Variants in RBFOX1 observed in about 807,000 individuals in gnomAD.
RBFOX1 encodes RNA binding protein fox-1 homolog 1.
Under a neutral mutation model 57.7 loss-of-function variants are expected in RBFOX1, and 8 were observed. The ratio of observed to expected loss-of-function variants is 0.14; its 90% confidence interval spans 0.08 to 0.25. The LOEUF is 0.25. Among genes scored for constraint, RBFOX1 ranks in the 10% least tolerant of loss-of-function variants. RBFOX1 has a pLI of 1.00. For missense variants in RBFOX1, 611 were observed against 548.5 expected (o/e 1.11, Z -1.14); for synonymous variants, 326 against 222.4 (o/e 1.47, Z -4.15).
At position 5,976,360 on chromosome 16, in the gene RBFOX1, A is replaced by T. The variant is rs552585608; in HGVS notation, c.351+109025A>T. On this transcript the variant is annotated intron_variant, in intron 4 of 19. Coordinates refer to the RBFOX1 transcript ENST00000641259. ...CCTTTATGGCAGGACTTAGTCTCTAAAATGTTACATAATGTGTTTTGTAGA... is the reference window on the plus strand; with the variant it reads ...CCTTTATGGCAGGACTTAGTCTCTATAATGTTACATAATGTGTTTTGTAGA... 1.6e-3 allele frequency among the ~76,000 whole-genome samples: 239 copies of T among 152,260 alleles called. 2 individuals carry two copies. Among genetic ancestry groups the T allele is most frequent in the African/African-American group, 5.6e-3 (233 of 41,560 alleles).
intron 2 of RBFOX1, among the ~76,000 whole-genome samples, chr16:5,504,068 G>A (rs992463809): frequency 5.9e-5 from 9 of 152,212 alleles, no homozygotes; most frequent in Non-Finnish European, 8.8e-5. Context: ...GGCATCTGGA[G>A]CAGCATCTCC....
rs532131138 is a variant in RBFOX1, at chr16:5,926,686, C to G, written c.351+59351C>G. 3.9e-5 allele frequency among the ~76,000 whole-genome samples: 6 copies of G among 152,290 alleles called. No individual in the cohort carries two copies. The East Asian group carries it at 1.2e-3, about 29-fold the overall frequency. ...TACAAATTGGATTCTTAGCTGAAGACTTGGGGTCTGCAAACATTTTTACCC... is the reference window on the plus strand; with the variant it reads ...TACAAATTGGATTCTTAGCTGAAGAGTTGGGGTCTGCAAACATTTTTACCC... On this transcript the variant is annotated intron_variant, in intron 4 of 19. Coordinates refer to the RBFOX1 transcript ENST00000641259.
At chr16:6,103,061 A>C (rs2096333806) in intron 1 of RBFOX1, among the ~76,000 whole-genome samples, 1 of 152,216 alleles carries the variant, frequency 6.6e-6, no homozygotes, top group Non-Finnish European at 1.5e-5. Context: ...TTTAAAATAT[A>C]GATCGAAGTT....
chr16:7,451,192 A>G (rs981398308), intron 4 of RBFOX1, among the ~76,000 whole-genome samples: 2 of 152,088 alleles, frequency 1.3e-5, no homozygotes, highest in Non-Finnish European at 2.9e-5. Context: ...GGGACATCGG[A>G]TTTCTATGGA....
intron 3 of RBFOX1, among the ~76,000 whole-genome samples, chr16:6,821,111 T>A (rs1197723594): frequency 6.6e-6 from 1 of 152,198 alleles, no homozygotes; most frequent in Non-Finnish European, 1.5e-5. Flanking sequence ...ACTACACCAT[T>A]AAAAAACAAT....
intron 4 of RBFOX1, among the ~76,000 whole-genome samples, chr16:7,362,309 C>A (rs111163862): frequency 1.4e-4 from 13 of 93,342 alleles, no homozygotes; most frequent in Non-Finnish European, 2.3e-5. Context: ...CGTGTGTTTG[C>A]GTGTGTGTGT....
intron 3 of RBFOX1, among the ~76,000 whole-genome samples, chr16:6,992,616 A>C: frequency 6.6e-6 from 1 of 152,086 alleles, no homozygotes; most frequent in Middle Eastern, 3.2e-3. Context: ...AAAGGACTTA[A>C]AAACTAGGTA....
intron 4 of RBFOX1, among the ~76,000 whole-genome samples, chr16:7,292,173 A>T (rs1409615390): frequency 7.9e-5 from 10 of 126,352 alleles, no homozygotes; most frequent in East Asian, 4.3e-4. Flanking sequence ...ATTATATATC[A>T]TATATCATAT....
intron 3 of RBFOX1, among the ~76,000 whole-genome samples, chr16:6,923,274 C>T (rs1000777826): frequency 1.3e-5 from 2 of 152,164 alleles, no homozygotes; most frequent in African/African-American, 4.8e-5. Flanking sequence ...TGGCTCATGC[C>T]TATAATCCCA....
intron 12 of RBFOX1, among the ~76,000 whole-genome samples, chr16:7,661,616 C>G (rs2067754605): frequency 6.6e-6 from 1 of 152,204 alleles, no homozygotes; most frequent in Non-Finnish European, 1.5e-5. Flanking sequence ...CAGTTTTATG[C>G]ATAATTTGTG....
intron 2 of RBFOX1, among the ~76,000 whole-genome samples, chr16:6,578,304 C>G (rs1337234819): frequency 6.6e-6 from 1 of 152,096 alleles, no homozygotes; most frequent in African/African-American, 2.4e-5. Flanking sequence ...CATCATGTAA[C>G]AGGCTGAGAA....
chr16:7,468,755 G>A (rs375585381), intron 4 of RBFOX1, among the ~76,000 whole-genome samples: 1 of 152,070 alleles, frequency 6.6e-6, no homozygotes, highest in East Asian at 1.9e-4. Context: ...GGATTTAGGA[G>A]ATTGTCTGGC....
At chr16:7,549,952 C>G (rs1601587395) in intron 5 of RBFOX1, among the ~76,000 whole-genome samples, 1 of 152,024 alleles carries the variant, frequency 6.6e-6, no homozygotes, top group African/African-American at 2.4e-5. Context: ...TTTTTAGAGA[C>G]AGGGTTTTAC....
intron 4 of RBFOX1, among the ~76,000 whole-genome samples, chr16:7,403,025 G>A (rs1191563156): frequency 6.6e-6 from 1 of 152,218 alleles, no homozygotes; most frequent in East Asian, 1.9e-4. Flanking sequence ...TCACGATGCA[G>A]TTGTGGAATA....
chr16:6,448,461 AT>A (rs35590630), intron 2 of RBFOX1, among the ~76,000 whole-genome samples: 1 of 152,064 alleles, frequency 6.6e-6, no homozygotes, highest in Non-Finnish European at 1.5e-5. Flanking sequence ...CCAACCAGGC[AT>A]TTTTCAACCA....
chr16:6,112,452 A>C (rs2096456724), intron 1 of RBFOX1, among the ~76,000 whole-genome samples: 1 of 152,188 alleles, frequency 6.6e-6, no homozygotes, highest in East Asian at 1.9e-4. Flanking sequence ...GCACTTTGGG[A>C]GGCCAAGATG....
intron 4 of RBFOX1, among the ~76,000 whole-genome samples, chr16:7,446,485 G>A (rs1432714565): frequency 6.6e-6 from 1 of 152,172 alleles, no homozygotes; most frequent in Non-Finnish European, 1.5e-5. Flanking sequence ...CTGCCGCTGA[G>A]CTATGTTTTA....
intron 3 of RBFOX1, among the ~76,000 whole-genome samples, chr16:6,690,949 T>C (rs1382530908): frequency 2.6e-5 from 4 of 152,082 alleles, no homozygotes; most frequent in Non-Finnish European, 5.9e-5. Context: ...TGTGATGAGG[T>C]TGGCTGGGCA....
chr16:6,899,647 C>T (rs989643141), intron 3 of RBFOX1, among the ~76,000 whole-genome samples: 4 of 152,216 alleles, frequency 2.6e-5, no homozygotes, highest in Non-Finnish European at 4.4e-5. Context: ...GAAGAATAAA[C>T]GTCCATACCT....
Sources: allele counts gnomAD v4.1 joint callset (sites outside exome capture counted in the v4.1 genomes callset), GRCh38; gene constraint gnomAD v4.1.1; transcripts MANE v1.5; gene names NCBI Gene and HGNC (gene_info 2026-07-23, HGNC 2026-07-21).